PPM1B: variants seen among roughly 807,000 people sequenced by gnomAD.
PPM1B encodes protein phosphatase 1B.
PPM1B carries 22 observed loss-of-function variants against 43.0 expected under a neutral mutation model. The ratio of observed to expected loss-of-function variants is 0.51; its 90% CI spans 0.37 to 0.73. PPM1B has a LOEUF of 0.73. Among genes scored for constraint, PPM1B ranks in the 30% least tolerant of loss-of-function variants. The probability of loss-of-function intolerance (pLI) is 0.00; values close to 1 mark genes in which losing one functional copy is unlikely to be tolerated. For synonymous variants in PPM1B, 217 were observed against 197.9 expected, an observed-to-expected ratio of 1.10 and a Z score of -0.81; for missense variants, 632 against 584.2, an observed-to-expected ratio of 1.08 and a Z score of -0.84.
At chr2:44,196,489 G>C (rs1290709715) in intron 1 of PPM1B, among the ~76,000 whole-genome samples, 3 of 152,174 alleles carry the variant, frequency 2.0e-5, no homozygotes, top group African/African-American at 4.8e-5. Flanking sequence ...GTGTTTGTCA[G>C]ATTTCTCCAC....
At chr2:44,236,121 C>T (rs557812714), downstream of PPM1B, among the ~76,000 whole-genome samples, 9 of 151,822 alleles carry the variant, frequency 5.9e-5, no homozygotes, top group Middle Eastern at 3.4e-3. Flanking sequence ...GAAGGCCAGG[C>T]GCAGTGGCTC....
downstream of PPM1B, among the ~76,000 whole-genome samples, chr2:44,232,124 C>G (rs969312537): frequency 2.0e-5 from 3 of 152,114 alleles, no homozygotes; most frequent in Non-Finnish European, 2.9e-5. Context: ...TAACCCAACC[C>G]AGTTATCTAT....
Position 44,201,622 on chromosome 2 carries a change from T to A in PPM1B, c.423T>A (p.Pro141=). 6.2e-7 allele frequency: 1 copy of A among 1,614,230 alleles called. No individual in the cohort carries two copies. Among genetic ancestry groups the A allele is most frequent in the Non-Finnish European group, 8.5e-7 (1 of 1,180,022 alleles). Residue 141 remains proline (P), a synonymous_variant, in exon 2 of 6, where the codon CCT becomes CCA. Transcript: ENST00000282412. The surrounding 1 kb of genome is among the most constrained non-coding windows in gnomAD (Gnocchi z 5.4). ...CTGCAGTGGGAGTTATGATTTCACC[T>A]AAGCATATCTACTTTATCAACTGTG... The part of the protein sequence containing the change: ...GSTAVGVMIS[P]KHIYFINCGD...
intron 2 of PPM1B, among the ~76,000 whole-genome samples, chr2:44,203,561 T>C (rs752692244): frequency 3.9e-5 from 6 of 152,278 alleles, no homozygotes; most frequent in Non-Finnish European, 8.8e-5. Flanking sequence ...CCATCCACCC[T>C]AAGTCAGCTA....
At chr2:44,188,981 A>G (rs997427541) in intron 1 of PPM1B, among the ~76,000 whole-genome samples, 1 of 151,830 alleles carries the variant, frequency 6.6e-6, no homozygotes, top group African/African-American at 2.4e-5. Flanking sequence ...TAATCTTCCC[A>G]CTTCAGTCTC....
rs1490752816 is a variant in PPM1B, at chr2:44,171,595, T to C, written c.-15+2321T>C. ...CTGTAATCTCAGCACTTTGGGAGGCTGAGGCGTGTGGATCACTTGAGGTTA... is the reference window on the plus strand; with the variant it reads ...CTGTAATCTCAGCACTTTGGGAGGCCGAGGCGTGTGGATCACTTGAGGTTA... On this transcript the variant is annotated intron_variant, in intron 1 of 5. Coordinates refer to ENST00000282412, the MANE Select transcript of PPM1B (RefSeq NM_002706.6). Among the ~76,000 whole-genome samples, 3 of 152,196 alleles carry C rather than the reference T, an allele frequency of 2.0e-5. No homozygotes were observed. The East Asian group carries it at 5.8e-4, about 29-fold the overall frequency.
chr2:44,228,920 C>CGTGA (rs1670346408), intron 5 of PPM1B, among the ~76,000 whole-genome samples: 1 of 152,120 alleles, frequency 6.6e-6, no homozygotes, highest in South Asian at 2.1e-4. Context: ...CGGTAGCTCA[C>CGTGA]ACCTGTAATC....
downstream of PPM1B, among the ~76,000 whole-genome samples, chr2:44,245,014 T>G (rs1670830402): frequency 6.6e-6 from 1 of 151,996 alleles, no homozygotes; most frequent in South Asian, 2.1e-4. Context: ...TAATGAAATG[T>G]CTTTCACTAT....
chr2:44,211,961 C>G (rs1669491626), intron 3 of PPM1B, among the ~76,000 whole-genome samples: 1 of 152,136 alleles, frequency 6.6e-6, no homozygotes, highest in South Asian at 2.1e-4. Context: ...GTTGGTCAGG[C>G]TGATCTCGAA....
At chr2:44,234,851 A>T (rs1448098987), downstream of PPM1B, among the ~76,000 whole-genome samples, 2 of 152,236 alleles carry the variant, frequency 1.3e-5, no homozygotes, top group Non-Finnish European at 2.9e-5. Flanking sequence ...ATGAAAAATA[A>T]TTGTCTTATA....
At chr2:44,235,137 A>G (rs1156952644), downstream of PPM1B, among the ~76,000 whole-genome samples, 3 of 152,206 alleles carry the variant, frequency 2.0e-5, no homozygotes, top group Admixed American at 2.0e-4. Flanking sequence ...AGTTTATTAG[A>G]GGACTTTTCT....
chr2:44,172,786 G>A (rs1037639230), intron 1 of PPM1B, among the ~76,000 whole-genome samples: 1 of 152,116 alleles, frequency 6.6e-6, no homozygotes, highest in Non-Finnish European at 1.5e-5. Context: ...GTGTGCACCT[G>A]TAGTTAGCTG....
chr2:44,211,418 A>T (rs948151301), intron 3 of PPM1B, among the ~76,000 whole-genome samples: 4 of 152,112 alleles, frequency 2.6e-5, no homozygotes, highest in African/African-American at 9.7e-5. Context: ...GATTTAGGTT[A>T]TACATTGGCA....
At chr2:44,237,033 T>G (rs1670641620), downstream of PPM1B, among the ~76,000 whole-genome samples, 1 of 152,212 alleles carries the variant, frequency 6.6e-6, no homozygotes. Flanking sequence ...TTAACATAAT[T>G]GTTAAGATGA....
downstream of PPM1B, among the ~76,000 whole-genome samples, chr2:44,235,982 A>G (rs549073397): frequency 6.6e-6 from 1 of 152,214 alleles, no homozygotes; most frequent in South Asian, 2.1e-4. Flanking sequence ...CTAAGCAACA[A>G]ATGCTTCCAA....
rs894317595 is a variant in PPM1B at position 44,201,126 on chromosome 2, A to T, written c.-14-60A>T. 6.9e-7 allele frequency: 1 copy of T among 1,453,746 alleles called. No homozygotes were observed. The highest frequency in any genetic ancestry group is 1.4e-5 in the African/African-American group (1 of 70,426). The allele number at this position is 1,453,746 out of a possible 1,614,324, so 90.1% of individuals were successfully genotyped here. A position where few individuals can be genotyped will look rare whatever the true frequency, so the allele number is the denominator to read the frequency against. On this transcript the variant is annotated intron_variant, in intron 1 of 5. Coordinates refer to ENST00000282412, the MANE Select transcript of PPM1B (RefSeq NM_002706.6). This position sits in a 1 kb window ranked among gnomAD's most constrained non-coding sequence, Gnocchi z 5.4. ...TAGGAGTTACTAGACTATAGAGGGA[A>T]TATTGTACATACATTTTCTGTCAAA...
At chr2:44,184,160 A>T (rs568890423) in intron 1 of PPM1B, among the ~76,000 whole-genome samples, 1 of 152,228 alleles carries the variant, frequency 6.6e-6, no homozygotes, top group Admixed American at 6.5e-5. Context: ...TATTGTGAGG[A>T]TTAAATGAGT....
chr2:44,213,428 A>G (rs1401251896), intron 3 of PPM1B, among the ~76,000 whole-genome samples: 1 of 151,504 alleles, frequency 6.6e-6, no homozygotes, highest in Non-Finnish European at 1.5e-5. Context: ...CATTTTGTAT[A>G]TAGTATAATA....
chr2:44,215,278 G>A (rs890004764), intron 3 of PPM1B, among the ~76,000 whole-genome samples: 12 of 152,044 alleles, frequency 7.9e-5, no homozygotes, highest in Non-Finnish European at 1.5e-4. Flanking sequence ...GACCAGCCTC[G>A]GCATCATAGA....
Sources: allele counts gnomAD v4.1 joint callset (sites outside exome capture counted in the v4.1 genomes callset), GRCh38; gene constraint gnomAD v4.1.1; non-coding constraint Gnocchi (gnomAD v3.1); transcripts MANE v1.5; gene names NCBI Gene and HGNC (gene_info 2026-07-23, HGNC 2026-07-21).